FBXO34: variants seen among roughly 807,000 people sequenced by gnomAD.
FBXO34 encodes F-box only protein 34.
In FBXO34, 12 loss-of-function variants were observed where a neutral mutation model predicts 24.5. That is an observed-to-expected ratio of 0.49 (90% CI 0.31 to 0.79). The LOEUF is 0.79. Among genes scored for constraint, FBXO34 ranks in the 30% least tolerant of loss-of-function variants. The probability of loss-of-function intolerance (pLI) is 0.04; values close to 1 mark genes in which losing one functional copy is unlikely to be tolerated. For missense variants in FBXO34, 823 were observed against 857.7 expected (o/e 0.96, Z 0.51); for synonymous variants, 320 against 311.9 (o/e 1.03, Z -0.27).
chr14:55,420,741 A>G, the FBXO34 span, among the ~76,000 whole-genome samples: 3 of 148,858 alleles, frequency 2.0e-5, 1 homozygote, highest in South Asian at 6.3e-4. Flanking sequence ...TGAAACTGGC[A>G]AATGTGTAAA....
At chr14:55,328,711 G>A (rs906013555) in intron 1 of FBXO34, among the ~76,000 whole-genome samples, 3 of 152,216 alleles carry the variant, frequency 2.0e-5, no homozygotes, top group Non-Finnish European at 4.4e-5. Flanking sequence ...TTAGCCACTT[G>A]GAGAAACACG....
intron 1 of FBXO34, among the ~76,000 whole-genome samples, chr14:55,297,245 T>G (rs10142547): frequency 6.6e-6 from 1 of 151,968 alleles, no homozygotes; most frequent in Non-Finnish European, 1.5e-5. Context: ...GAAACCTTAC[T>G]GAGGACTCCC....
chr14:55,325,528 T>G (rs989892981), intron 1 of FBXO34, among the ~76,000 whole-genome samples: 7 of 152,054 alleles, frequency 4.6e-5, no homozygotes, highest in Non-Finnish European at 7.4e-5. Context: ...CAGGCTGGAG[T>G]GCAATGGCGC....
At chr14:55,374,467 T>G (rs1214158807), downstream of FBXO34, among the ~76,000 whole-genome samples, 1 of 152,240 alleles carries the variant, frequency 6.6e-6, no homozygotes, top group Non-Finnish European at 1.5e-5. Context: ...ATAGAGGTTG[T>G]GGAACCTATC....
chr14:55,435,980 T>TAAAAAAA, the FBXO34 span: 1 of 862,962 alleles, frequency 1.2e-6, no homozygotes, highest in Non-Finnish European at 1.7e-6. Context: ...ATATAAAGAG[T>TAAAAAAA]AAAAAAAAAA....
chr14:55,379,119 G>A, the FBXO34 span, among the ~76,000 whole-genome samples: 1 of 152,150 alleles, frequency 6.6e-6, no homozygotes, highest in East Asian at 1.9e-4. Context: ...GCTCCAAGAG[G>A]GCAAGGATTA....
intron 1 of FBXO34, among the ~76,000 whole-genome samples, chr14:55,313,792 A>G (rs1882832256): frequency 6.6e-6 from 1 of 152,202 alleles, no homozygotes; most frequent in Non-Finnish European, 1.5e-5. Flanking sequence ...CACCCCCACC[A>G]TGATTCATTT....
At chr14:55,367,711 T>C in exon 3 of FBXO34, 1 of 150,356 alleles carries the variant, frequency 6.7e-6, no homozygotes, top group East Asian at 1.9e-4. Context: ...GCCACTACAC[T>C]CCAGCCTGGG....
chr14:55,363,917 A>C (rs1884627374), downstream of FBXO34, among the ~76,000 whole-genome samples: 1 of 151,080 alleles, frequency 6.6e-6, no homozygotes, highest in African/African-American at 2.4e-5. Context: ...TCAACACTTA[A>C]CTAGTGTCAT....
chr14:55,291,758 C>T (rs1881951723), intron 1 of FBXO34, among the ~76,000 whole-genome samples: 1 of 151,804 alleles, frequency 6.6e-6, no homozygotes, highest in Non-Finnish European at 1.5e-5. Context: ...ATTGCTTGAG[C>T]CCAGAAGTTT....
At chr14:55,277,564 TTA>T (rs1881385292) in intron 1 of FBXO34, among the ~76,000 whole-genome samples, 1 of 152,142 alleles carries the variant, frequency 6.6e-6, no homozygotes, top group Non-Finnish European at 1.5e-5. Flanking sequence ...AAAGGCCCAA[TTA>T]TAGTGTACTG....
chr14:55,354,789 T>G (rs1417927330), downstream of FBXO34, among the ~76,000 whole-genome samples: 2 of 152,206 alleles, frequency 1.3e-5, no homozygotes, highest in Non-Finnish European at 2.9e-5. Context: ...TGAAAGATGC[T>G]GTTCTTCAGG....
chr14:55,412,170 T>C, the FBXO34 span, among the ~76,000 whole-genome samples: 1 of 152,208 alleles, frequency 6.6e-6, no homozygotes, highest in Admixed American at 6.5e-5. Context: ...TAAGGGAATT[T>C]AACTTGCTGT....
intron 1 of FBXO34, among the ~76,000 whole-genome samples, chr14:55,292,514 C>T (rs1881976768): frequency 6.6e-6 from 1 of 152,116 alleles, no homozygotes; most frequent in African/African-American, 2.4e-5. Flanking sequence ...CGTGTACCAC[C>T]ATGCCTGGCT....
At chr14:55,414,452 G>A in the FBXO34 span, 38 of 1,600,740 alleles carry the variant, frequency 2.4e-5, no homozygotes, top group Non-Finnish European at 3.1e-5. Flanking sequence ...ACGTTCTTTG[G>A]CACCTATAAA....
At chr14:55,418,829 G>A in the FBXO34 span, among the ~76,000 whole-genome samples, 1 of 152,186 alleles carries the variant, frequency 6.6e-6, no homozygotes, top group Non-Finnish European at 1.5e-5. Flanking sequence ...AAAAAACCAG[G>A]AGAGTGTGTT....
chr14:55,316,753 C>A (rs1035661980), intron 1 of FBXO34, among the ~76,000 whole-genome samples: 5 of 150,432 alleles, frequency 3.3e-5, no homozygotes, highest in African/African-American at 1.2e-4. Context: ...AAAAGAATTT[C>A]AAGACGGCAA....
rs1329881256 is a variant in FBXO34 at position 55,331,719 on chromosome 14, ATATATATATG to A, written c.-10-18652_-10-18643del. Among the ~76,000 whole-genome samples the A allele has an allele frequency of 1.0e-3, 43 of 41,908 alleles. 6 individuals carry two copies. The highest frequency in any genetic ancestry group is 7.4e-3 in the African/African-American group (36 of 4,892). 27.5% of individuals were successfully genotyped at this position (41,908 alleles called of 152,430 possible). ...TATATATATATGTATATATATATGT[ATATATATATG>A]TATATATATATGTGTGTATATATAT... On this transcript the variant is annotated intron_variant, in intron 1 of 1. Transcript: ENST00000313833.
chr14:55,403,937 A>G, the FBXO34 span, among the ~76,000 whole-genome samples: 1 of 152,262 alleles, frequency 6.6e-6, no homozygotes, highest in African/African-American at 2.4e-5. Context: ...AAAATTCAAA[A>G]TACTCAAATT....
Sources: gnomAD v4.1 joint callset for allele counts (sites outside exome capture counted in the v4.1 genomes callset) on GRCh38, gnomAD v4.1.1 for gene constraint, MANE v1.5 for transcripts, NCBI Gene and HGNC (gene_info 2026-07-23, HGNC 2026-07-21) for gene names.